The following PVT1 variants were observed in gnomAD, a reference collection of about 807,000 sequenced individuals.
The protein encoded by PVT1 is CXCR4/PVT1 fusion.
At chr8:127,862,412 A>G (rs79234185) in intron 2 of PVT1, among the ~76,000 whole-genome samples, 6,431 of 152,192 alleles carry the variant, frequency 0.042, 166 homozygotes, top group African/African-American at 0.051. Flanking sequence ...CATCTCAAAA[A>G]AAAAAAATTA....
At position 127,905,324 on chromosome 8, in the gene PVT1, C is replaced by T. The variant is rs74931701; in HGVS notation, n.782+14326C>T. Reference sequence around the variant, plus strand: ...ACCTGCTCTTTTGTGCTGAGCTTCACTATCTCTTCTGGGCACAGATTGGTT... The same window carrying T: ...ACCTGCTCTTTTGTGCTGAGCTTCATTATCTCTTCTGGGCACAGATTGGTT... On this transcript the variant is annotated intron_variant and non_coding_transcript_variant, in intron 3 of 10. Coordinates refer to ENST00000651587, the Ensembl canonical transcript of PVT1. 3.2e-4 allele frequency among the ~76,000 whole-genome samples: 49 copies of T among 152,370 alleles called. No individual in the cohort carries two copies. In the South Asian group the frequency reaches 9.9e-3, roughly 31 times the overall value.
chr8:128,082,540 A>G (rs977213445), intron 5 of PVT1, among the ~76,000 whole-genome samples: 1 of 152,192 alleles, frequency 6.6e-6, no homozygotes, highest in East Asian at 1.9e-4. Flanking sequence ...CAGAACATCA[A>G]TATGTTCAAA....
In PVT1 at chr8:127,888,012, C is replaced by G. The variant is rs1303179670; in HGVS notation, n.373-2577C>G. On this transcript the variant is annotated intron_variant and non_coding_transcript_variant, in intron 2 of 10. Transcript: ENST00000651587. Reference sequence around the variant, plus strand: ...CTAGAGTGCAGTGGCATGATCTTGGCTCACTACAACCTCGGCCTCCTGGGT... The same window carrying G: ...CTAGAGTGCAGTGGCATGATCTTGGGTCACTACAACCTCGGCCTCCTGGGT... Among the ~76,000 whole-genome samples the G allele has an allele frequency of 2.6e-5, 3 of 116,026 alleles. No individual in the cohort carries two copies. In the Admixed American group the frequency reaches 3.8e-4, roughly 15 times the overall value. The allele number at this position is 116,026 out of a possible 152,430, so 76.1% of individuals were successfully genotyped here.
intron 4 of PVT1, among the ~76,000 whole-genome samples, chr8:128,062,327 T>C (rs918179): frequency 0.081 from 12,359 of 152,286 alleles, 941 homozygotes; most frequent in African/African-American, 0.2. Context: ...TTTTGTTTAG[T>C]GTGTTTCTGA....
chr8:127,918,108 C>T (rs1816010880), intron 3 of PVT1, among the ~76,000 whole-genome samples: 1 of 152,252 alleles, frequency 6.6e-6, no homozygotes, highest in Admixed American at 6.5e-5. Flanking sequence ...TTCATCTCTG[C>T]TCTCAAAGCC....
At chr8:128,041,454 G>A (rs200134149) in intron 4 of PVT1, among the ~76,000 whole-genome samples, 6 of 149,718 alleles carry the variant, frequency 4.0e-5, no homozygotes, top group East Asian at 2.0e-4. Flanking sequence ...TGTGTTTGGC[G>A]TGTATATGTG....
chr8:127,818,220 C>T (rs1239692086), intron 2 of PVT1, among the ~76,000 whole-genome samples: 1 of 152,146 alleles, frequency 6.6e-6, no homozygotes, highest in East Asian at 1.9e-4. Flanking sequence ...GTTGGGGCCT[C>T]CTCCAGTAGA....
At chr8:128,034,249 G>A (rs762615949) in intron 4 of PVT1, among the ~76,000 whole-genome samples, 6 of 151,458 alleles carry the variant, frequency 4.0e-5, no homozygotes, top group Non-Finnish European at 5.9e-5. Flanking sequence ...ATCCAGGGAT[G>A]TATTTATTTT....
At chr8:127,831,058 GTGTGTGTATA>G (rs1201860533) in intron 2 of PVT1, among the ~76,000 whole-genome samples, 1 of 100,826 alleles carries the variant, frequency 9.9e-6, no homozygotes, top group African/African-American at 3.2e-5. Flanking sequence ...GTGTGTGTGT[GTGTGTGTATA>G]TATATATAGA....
chr8:128,012,393 C>T (rs1437193562), intron 4 of PVT1, among the ~76,000 whole-genome samples: 1 of 152,088 alleles, frequency 6.6e-6, no homozygotes, highest in East Asian at 1.9e-4. Flanking sequence ...CATCAATATC[C>T]CCTTTAATGC....
At chr8:128,010,471 G>A (rs1414859343) in intron 4 of PVT1, 2 of 152,102 alleles carry the variant, frequency 1.3e-5, no homozygotes, top group Non-Finnish European at 2.9e-5. Context: ...AGCCAAGTTC[G>A]GTCCCTGGTT....
At chr8:127,925,733 C>T (rs942445732) in intron 3 of PVT1, among the ~76,000 whole-genome samples, 1 of 152,094 alleles carries the variant, frequency 6.6e-6, no homozygotes, top group South Asian at 2.1e-4. Flanking sequence ...CCTCTGCCTC[C>T]TGGGTTCAAG....
intron 3 of PVT1, among the ~76,000 whole-genome samples, chr8:127,988,176 C>T (rs1415562901): frequency 2.6e-5 from 4 of 152,222 alleles, no homozygotes; most frequent in East Asian, 1.9e-4. Context: ...ACCTGCCCGC[C>T]GTTCTTGCCT....
At chr8:127,834,729 C>A (rs1216450454) in intron 2 of PVT1, among the ~76,000 whole-genome samples, 1 of 151,850 alleles carries the variant, frequency 6.6e-6, no homozygotes, top group African/African-American at 2.4e-5. Context: ...GGGGAAAAAA[C>A]AAACAAACAA....
intron 4 of PVT1, among the ~76,000 whole-genome samples, chr8:127,995,385 GGATTAGA>G (rs1427355182): frequency 1.3e-5 from 2 of 152,090 alleles, no homozygotes; most frequent in African/African-American, 4.8e-5. Context: ...CCGGCTCCTG[GGATTAGA>G]GACAGCTCTT....
At chr8:127,878,193 C>A (rs78515847) in intron 2 of PVT1, among the ~76,000 whole-genome samples, 2,467 of 151,702 alleles carry the variant, frequency 0.016, 67 homozygotes, top group African/African-American at 0.053. Context: ...AAAAAAAAAA[C>A]CCCACAAATT....
intron 4 of PVT1, among the ~76,000 whole-genome samples, chr8:128,055,451 A>T (rs1282971766): frequency 6.6e-6 from 1 of 152,226 alleles, no homozygotes; most frequent in Non-Finnish European, 1.5e-5. Flanking sequence ...ACTAAACAAG[A>T]CAATGAATGT....
intron 2 of PVT1, among the ~76,000 whole-genome samples, chr8:127,860,788 G>T (rs1815217953): frequency 7.6e-6 from 1 of 132,090 alleles, no homozygotes; most frequent in African/African-American, 2.6e-5. Context: ...AAAAAAAGGA[G>T]AAGACAAGGC....
chr8:127,808,582 T>C (rs1317945315), intron 2 of PVT1, among the ~76,000 whole-genome samples: 1 of 152,158 alleles, frequency 6.6e-6, no homozygotes, highest in Non-Finnish European at 1.5e-5. Flanking sequence ...GTTCCTGATT[T>C]GATTGACCTT....
Sources: gnomAD v4.1 joint callset for allele counts (sites outside exome capture counted in the v4.1 genomes callset) on GRCh38, gnomAD v4.1.1 for gene constraint, MANE v1.5 for transcripts, NCBI Gene and HGNC (gene_info 2026-07-23, HGNC 2026-07-21) for gene names.